CA10: variants seen among roughly 807,000 people sequenced by gnomAD.
The protein encoded by CA10 is carbonic anhydrase-related protein 10.
In CA10, 14 loss-of-function variants were observed where a neutral mutation model predicts 44.2. The observed-to-expected ratio is 0.32, with a 90% confidence interval of 0.21 to 0.50. The LOEUF is 0.50. CA10 is among the 20% of genes least tolerant of loss of function. The pLI, the probability that CA10 is intolerant of heterozygous loss-of-function variation, is 0.99. For synonymous variants in CA10, 159 were observed against 141.6 expected, an observed-to-expected ratio of 1.12 and a Z score of -0.87; for missense variants, 350 against 409.7, an observed-to-expected ratio of 0.85 and a Z score of 1.26.
intron 3 of CA10, among the ~76,000 whole-genome samples, chr17:51,824,912 C>T (rs184300552): frequency 1.4e-4 from 21 of 152,362 alleles, no homozygotes; most frequent in Admixed American, 1.3e-3. Context: ...CATTTGCAGG[C>T]GTGGCCTTGG....
chr17:52,099,729 T>C (rs1465964553), intron 1 of CA10, among the ~76,000 whole-genome samples: 2 of 152,210 alleles, frequency 1.3e-5, no homozygotes, highest in African/African-American at 4.8e-5. Context: ...ATAGGGAATG[T>C]CATACTAACA....
At chr17:51,853,366 G>A (rs1163263638) in intron 3 of CA10, among the ~76,000 whole-genome samples, 2 of 152,184 alleles carry the variant, frequency 1.3e-5, no homozygotes, top group Non-Finnish European at 2.9e-5. Flanking sequence ...GGCATGGCCT[G>A]GAGCTTGTCT....
intron 2 of CA10, among the ~76,000 whole-genome samples, chr17:51,981,057 A>ACC (rs2144087297): frequency 6.6e-6 from 1 of 152,248 alleles, no homozygotes; most frequent in South Asian, 2.1e-4. Flanking sequence ...CAACTCCAAT[A>ACC]CCCATACATT....
intron 3 of CA10, among the ~76,000 whole-genome samples, chr17:51,902,045 TTTTCC>T (rs1444885696): frequency 6.6e-6 from 1 of 152,126 alleles, no homozygotes; most frequent in Non-Finnish European, 1.5e-5. Flanking sequence ...TATGTGTAGT[TTTTCC>T]TTTCATCTTT....
Position 51,931,126 on chromosome 17 carries a change from G to T in CA10, c.143C>A (p.Ser48Tyr). Reference sequence around the variant, plus strand: ...AGCTGAGTTCACCAATCCCCAGAAAGAAGGAACTAGAAACAAAAAGAAATT... The same window carrying T: ...AGCTGAGTTCACCAATCCCCAGAAATAAGGAACTAGAAACAAAAAGAAATT... The part of the protein sequence containing the change: ...VVQGSFVPVP[S>Y]FWGLVNSAWN... The change falls in exon 3 of 9, where the codon TCT becomes TAT. Residue 48 changes from serine (S) to tyrosine (Y), a missense_variant. Transcript: ENST00000451037. 3.1e-6 allele frequency: 5 copies of T among 1,612,966 alleles called. No homozygotes were observed. Among genetic ancestry groups the T allele is most frequent in the Non-Finnish European group, 4.2e-6 (5 of 1,179,492 alleles).
chr17:51,992,168 C>A (rs1415810024), intron 2 of CA10, among the ~76,000 whole-genome samples: 3 of 152,064 alleles, frequency 2.0e-5, no homozygotes, highest in Admixed American at 2.0e-4. Flanking sequence ...TTGGAGGCAA[C>A]CACTGTCCTG....
At chr17:51,956,515 G>A (rs1191717528) in intron 2 of CA10, among the ~76,000 whole-genome samples, 1 of 152,132 alleles carries the variant, frequency 6.6e-6, no homozygotes, top group Non-Finnish European at 1.5e-5. Flanking sequence ...AAAAATAATT[G>A]TCTTCAACAG....
At chr17:51,867,752 T>C (rs188383944) in intron 3 of CA10, among the ~76,000 whole-genome samples, 36 of 152,302 alleles carry the variant, frequency 2.4e-4, no homozygotes, top group Non-Finnish European at 4.4e-4. Flanking sequence ...ATTGATCAGA[T>C]TCAGACCTAG....
chr17:51,763,805 CTCAT>C (rs113246347), intron 3 of CA10, among the ~76,000 whole-genome samples: 206 of 152,214 alleles, frequency 1.4e-3, no homozygotes, highest in African/African-American at 4.7e-3. Context: ...CTGACATACA[CTCAT>C]TCAACAATTT....
intron 3 of CA10, among the ~76,000 whole-genome samples, chr17:51,837,826 A>G (rs1256656099): frequency 6.6e-6 from 1 of 152,216 alleles, no homozygotes. Context: ...GGGAGGCTAG[A>G]TATTTGGAGT....
chr17:51,698,765 G>A (rs745312183), intron 4 of CA10, among the ~76,000 whole-genome samples: 9 of 152,146 alleles, frequency 5.9e-5, no homozygotes, highest in Non-Finnish European at 1.2e-4. Context: ...CTGCTTCTGT[G>A]AGCTTGACTA....
intron 3 of CA10, among the ~76,000 whole-genome samples, chr17:51,835,914 A>C (rs540684391): frequency 2.2e-4 from 33 of 152,290 alleles, no homozygotes; most frequent in Non-Finnish European, 4.3e-4. Flanking sequence ...CTAGAAGGGT[A>C]AGAATTAGCC....
intron 6 of CA10, among the ~76,000 whole-genome samples, 195 bp from the exon 7 acceptor site, chr17:51,636,204 C>T (rs1449002830): frequency 6.6e-6 from 1 of 152,122 alleles, no homozygotes; most frequent in African/African-American, 2.4e-5. Context: ...AGTTGTCCCC[C>T]AGATCTCGGT....
chr17:51,638,097 T>C (rs1597954222), intron 6 of CA10, among the ~76,000 whole-genome samples: 1 of 152,262 alleles, frequency 6.6e-6, no homozygotes, highest in Non-Finnish European at 1.5e-5. Flanking sequence ...AAATTGCTCG[T>C]TCAGCCTTCT....
At chr17:51,651,082 G>T (rs1001129761) in intron 5 of CA10, among the ~76,000 whole-genome samples, 1 of 152,168 alleles carries the variant, frequency 6.6e-6, no homozygotes, top group Non-Finnish European at 1.5e-5. Flanking sequence ...AGTAACTCCA[G>T]CTTTTCTACG....
At chr17:52,147,518 C>T (rs1374003665) in intron 1 of CA10, among the ~76,000 whole-genome samples, 5 of 148,106 alleles carry the variant, frequency 3.4e-5, no homozygotes, top group Non-Finnish European at 7.4e-5. Context: ...CCTGCACTAA[C>T]TTATACACTT....
chr17:51,723,492 C>T (rs1014965223), intron 4 of CA10, among the ~76,000 whole-genome samples: 1 of 152,060 alleles, frequency 6.6e-6, no homozygotes, highest in Admixed American at 6.5e-5. Flanking sequence ...GGGTACCATG[C>T]AGGACAAGAC....
intron 3 of CA10, among the ~76,000 whole-genome samples, chr17:51,766,060 T>C (rs977423820): frequency 6.6e-6 from 1 of 152,058 alleles, no homozygotes; most frequent in Admixed American, 6.6e-5. Flanking sequence ...AAGTAAGCAA[T>C]GGTGCTGTAA....
At chr17:51,982,698 C>T (rs1327745108) in intron 2 of CA10, among the ~76,000 whole-genome samples, 1 of 151,866 alleles carries the variant, frequency 6.6e-6, no homozygotes, top group Non-Finnish European at 1.5e-5. Flanking sequence ...TCACTCAAGA[C>T]TGGCAAATAC....
Sources: allele counts gnomAD v4.1 joint callset (sites outside exome capture counted in the v4.1 genomes callset), GRCh38; gene constraint gnomAD v4.1.1; transcripts MANE v1.5; gene names NCBI Gene and HGNC (gene_info 2026-07-23, HGNC 2026-07-21).